ARHGAP40: variants seen among roughly 807,000 people sequenced by gnomAD.
ARHGAP40 encodes the protein Rho GTPase activating protein 40.
ARHGAP40 carries 43 observed loss-of-function variants against 73.5 expected under a neutral mutation model. That is an observed-to-expected ratio of 0.58 (90% confidence interval 0.46 to 0.75). The LOEUF (loss-of-function observed/expected upper bound fraction) is 0.75, where lower values mean the gene tolerates loss of function less well. Ranked by LOEUF, ARHGAP40 falls within the 30% of genes least tolerant of loss-of-function variation. The pLI is 0.00. For synonymous variants in ARHGAP40, 300 were observed against 352.8 expected, an observed-to-expected ratio of 0.85 and a Z score of 1.68; for missense variants, 734 against 861.8, an observed-to-expected ratio of 0.85 and a Z score of 1.86.
chr20:38,644,009 GT>G, intron 11 of ARHGAP40, 99 bp downstream of exon 11: 3 of 1,093,754 alleles, frequency 2.7e-6, no homozygotes, highest in Non-Finnish European at 3.6e-6. Context: ...TCCCTAGTGT[GT>G]CCCTTCCAGG....
At chr20:38,629,132 C>A in intron 4 of ARHGAP40, 130 bp downstream of exon 4, 1 of 815,588 alleles carries the variant, frequency 1.2e-6, no homozygotes, top group Non-Finnish European at 1.7e-6. Context: ...CTTCCCTGCT[C>A]AAGGGCAGTA....
chr20:38,647,708 G>T (rs2089063323), intron 13 of ARHGAP40, among the ~76,000 whole-genome samples: 1 of 152,138 alleles, frequency 6.6e-6, no homozygotes, highest in Admixed American at 6.5e-5. Context: ...TGTATTAAGA[G>T]AATTATAGAC....
intron 1 of ARHGAP40, among the ~76,000 whole-genome samples, chr20:38,603,228 G>A (rs1393910906): frequency 6.6e-6 from 1 of 152,212 alleles, no homozygotes; most frequent in Non-Finnish European, 1.5e-5. Flanking sequence ...ATTCCCTTAA[G>A]GGAACAACTT....
intron 1 of ARHGAP40, among the ~76,000 whole-genome samples, chr20:38,611,863 C>T (rs543152760): frequency 1.3e-5 from 2 of 151,910 alleles, no homozygotes; most frequent in South Asian, 2.1e-4. Flanking sequence ...CACGAGCCAC[C>T]GTGCCTGGCC....
At chr20:38,636,319 T>G (rs1173907642) in intron 6 of ARHGAP40, among the ~76,000 whole-genome samples, 2 of 151,836 alleles carry the variant, frequency 1.3e-5, no homozygotes, top group African/African-American at 2.4e-5. Context: ...TGGAGTGCAG[T>G]GGCATGATCA....
At chr20:38,626,412 C>A (rs894677428) in intron 2 of ARHGAP40, among the ~76,000 whole-genome samples, 1 of 152,152 alleles carries the variant, frequency 6.6e-6, no homozygotes, top group Non-Finnish European at 1.5e-5. Context: ...AGGCCCGAGG[C>A]CTGAACTCCT....
chr20:38,642,616 C>T (rs1452184868), intron 10 of ARHGAP40, among the ~76,000 whole-genome samples: 2 of 150,068 alleles, frequency 1.3e-5, no homozygotes, highest in Non-Finnish European at 3.0e-5. Flanking sequence ...CTTCCTCCCT[C>T]CCTCCCTCCT....
intron 6 of ARHGAP40, among the ~76,000 whole-genome samples, chr20:38,635,946 C>T (rs1478392418): frequency 6.6e-6 from 1 of 152,112 alleles, no homozygotes; most frequent in Non-Finnish European, 1.5e-5. Flanking sequence ...GAGTGTAGGT[C>T]TGCTCACAGG....
At chr20:38,639,116 C>T in intron 8 of ARHGAP40, 111 bp from the exon 9 acceptor site, 1 of 1,124,022 alleles carries the variant, frequency 8.9e-7, no homozygotes. Context: ...GAGGGAGGTG[C>T]TCTTGTTGTC....
At chr20:38,638,630 T>A in intron 7 of ARHGAP40, 131 bp from the exon 8 acceptor site, 1 of 545,322 alleles carries the variant, frequency 1.8e-6, no homozygotes, top group Non-Finnish European at 3.0e-6. Flanking sequence ...TCACAAAAAC[T>A]AATATTATTC....
At chr20:38,615,213 A>C (rs1228541852) in intron 1 of ARHGAP40, 3 of 781,178 alleles carry the variant, frequency 3.8e-6, no homozygotes, top group Non-Finnish European at 7.1e-6. Flanking sequence ...GCTGGTGGGC[A>C]TTGAGGTAAA....
At chr20:38,626,707 C>T (rs528925148) in intron 2 of ARHGAP40, among the ~76,000 whole-genome samples, 2 of 152,284 alleles carry the variant, frequency 1.3e-5, no homozygotes, top group South Asian at 2.1e-4. Flanking sequence ...AAAATCTGAA[C>T]ATGCAGGGCC....
chr20:38,609,153 T>C (rs2088790497), intron 1 of ARHGAP40, among the ~76,000 whole-genome samples: 1 of 152,084 alleles, frequency 6.6e-6, no homozygotes, highest in Non-Finnish European at 1.5e-5. Context: ...TAGTGGGTAG[T>C]GGGGGGGTTA....
chr20:38,621,052 A>G (rs893305987), intron 1 of ARHGAP40, among the ~76,000 whole-genome samples: 1 of 152,164 alleles, frequency 6.6e-6, no homozygotes, highest in Non-Finnish European at 1.5e-5. Context: ...CACAGGTCGC[A>G]CATCCATGGA....
intron 1 of ARHGAP40, chr20:38,615,558 T>C: frequency 1.8e-6 from 1 of 551,250 alleles, no homozygotes; most frequent in Admixed American, 2.7e-5. Flanking sequence ...GCCACTGTTT[T>C]CCCCGAGATT....
At chr20:38,647,396 G>C (rs941791675) in intron 13 of ARHGAP40, among the ~76,000 whole-genome samples, 3 of 152,012 alleles carry the variant, frequency 2.0e-5, no homozygotes. Flanking sequence ...TTGTTTGTTT[G>C]TTTGTTTGTT....
intron 1 of ARHGAP40, among the ~76,000 whole-genome samples, chr20:38,617,484 G>A (rs1440603883): frequency 2.6e-5 from 4 of 152,080 alleles, no homozygotes; most frequent in Non-Finnish European, 5.9e-5. Flanking sequence ...GAGGTCCATC[G>A]AGAAAAAGGG....
At chr20:38,643,968 T>C (rs2089036202) in intron 11 of ARHGAP40, 58 bp downstream of exon 11, 2 of 1,235,272 alleles carry the variant, frequency 1.6e-6, no homozygotes, top group South Asian at 1.4e-5. Flanking sequence ...CCGCCCCTGC[T>C]CTCCAGGAGC....
At chr20:38,649,572 C>T (rs1428806752) in intron 14 of ARHGAP40, among the ~76,000 whole-genome samples, 185 bp from the exon 15 acceptor site, 4 of 152,192 alleles carry the variant, frequency 2.6e-5, no homozygotes, top group Non-Finnish European at 5.9e-5. Flanking sequence ...GGGGGTGTCA[C>T]TTTTCTGGCA....
Sources: allele counts gnomAD v4.1 joint callset (sites outside exome capture counted in the v4.1 genomes callset), GRCh38; gene constraint gnomAD v4.1.1; transcripts MANE v1.5; gene names NCBI Gene and HGNC (gene_info 2026-07-23, HGNC 2026-07-21).